Variants in GRM7 observed in about 807,000 individuals in gnomAD.
GRM7 encodes glutamate metabotropic receptor 7, also known as metabotropic glutamate receptor 7.
GRM7 carries 35 observed loss-of-function variants against 84.5 expected under a neutral mutation model. That is an observed-to-expected ratio of 0.41 (90% CI 0.32 to 0.55). The LOEUF (loss-of-function observed/expected upper bound fraction) is 0.55. GRM7 is among the 20% of genes least tolerant of loss of function. The pLI is 0.19. For missense variants in GRM7, 1,003 were observed against 1,194.6 expected (o/e 0.84, Z 2.36); for synonymous variants, 487 against 455.1 (o/e 1.07, Z -0.89).
intron 2 of GRM7, among the ~76,000 whole-genome samples, chr3:7,150,685 T>C (rs146211080): frequency 4.8e-4 from 73 of 152,348 alleles, no homozygotes; most frequent in African/African-American, 1.8e-3. Flanking sequence ...AAAGGCAATT[T>C]ATTTCTTAAT....
intron 1 of GRM7, among the ~76,000 whole-genome samples, chr3:6,964,393 G>T (rs1448524633): frequency 2.6e-5 from 4 of 152,002 alleles, no homozygotes; most frequent in African/African-American, 9.7e-5. Context: ...CCTTTTATGA[G>T]GGCACTAATC....
chr3:7,267,321 A>C (rs933900981), intron 2 of GRM7, among the ~76,000 whole-genome samples: 2 of 152,266 alleles, frequency 1.3e-5, no homozygotes, highest in Admixed American at 1.3e-4. Context: ...AATAACAAAA[A>C]GGCTAATAAG....
intron 2 of GRM7, among the ~76,000 whole-genome samples, chr3:7,251,256 T>G (rs904395197): frequency 3.9e-5 from 6 of 151,990 alleles, no homozygotes; most frequent in Non-Finnish European, 5.9e-5. Context: ...CAGAAAGAAT[T>G]TTAATGCTTT....
In GRM7 at chr3:7,478,121, T is replaced by C. The variant is rs186377447; in HGVS notation, c.1515+16399T>C. ...GGCTGTCCTTGTTTCTCTGTGGTGATTATGACTTCCTTATAGGGATTTTTC... is the reference window on the plus strand; with the variant it reads ...GGCTGTCCTTGTTTCTCTGTGGTGACTATGACTTCCTTATAGGGATTTTTC... On this transcript the variant is annotated intron_variant, in intron 7 of 9. Coordinates refer to ENST00000357716, the MANE Select transcript of GRM7 (RefSeq NM_000844.4). 4.6e-3 allele frequency among the ~76,000 whole-genome samples: 706 copies of C among 152,246 alleles called. 2 individuals are homozygous for C. Among genetic ancestry groups the C allele is most frequent in the African/African-American group, 0.016 (685 of 41,520 alleles).
intron 4 of GRM7, among the ~76,000 whole-genome samples, chr3:7,345,902 T>C (rs549880605): frequency 1.1e-4 from 16 of 152,178 alleles, no homozygotes; most frequent in Middle Eastern, 3.4e-3. Context: ...AAGTTAGGTA[T>C]GGTTGCAGCT....
At chr3:7,550,833 C>G (rs917673847) in intron 7 of GRM7, among the ~76,000 whole-genome samples, 1 of 152,010 alleles carries the variant, frequency 6.6e-6, no homozygotes, top group South Asian at 2.1e-4. Flanking sequence ...TCCCAGCTCC[C>G]TTGCTTACAT....
At chr3:7,572,730 G>A (rs1398217391) in intron 7 of GRM7, among the ~76,000 whole-genome samples, 1 of 149,428 alleles carries the variant, frequency 6.7e-6, no homozygotes, top group African/African-American at 2.5e-5. Context: ...GCTGAGGCAG[G>A]AGAATGGTGT....
rs200373444 is a variant in GRM7, at chr3:7,312,332, T to C, written c.1033+5680T>C. Among the ~76,000 whole-genome samples, 7 of 152,154 alleles carry C rather than the reference T, an allele frequency of 4.6e-5. No homozygotes were observed. In the East Asian group the frequency reaches 1.4e-3, roughly 30 times the overall value. ...ATGCTACTTGGCAGTGTCTTGGCAG[T>C]GCTACTGTGGCCAGAGGATCCCAGA... is the stretch of plus-strand genomic sequence containing the variant. On this transcript the variant is annotated intron_variant, in intron 4 of 9. Transcript: ENST00000357716.
intron 7 of GRM7, among the ~76,000 whole-genome samples, chr3:7,540,883 G>T (rs556568407): frequency 2.0e-5 from 3 of 152,222 alleles, no homozygotes; most frequent in Admixed American, 2.0e-4. Context: ...AAAAAGGAAA[G>T]AATGATAGGT....
intron 9 of GRM7, among the ~76,000 whole-genome samples, chr3:7,701,690 G>A (rs1701235793): frequency 6.6e-6 from 1 of 152,102 alleles, no homozygotes; most frequent in Admixed American, 6.5e-5. Flanking sequence ...GCTTCACTCA[G>A]AAAACTCCCT....
intron 9 of GRM7, among the ~76,000 whole-genome samples, chr3:7,730,042 T>G (rs1382773273): frequency 6.7e-6 from 1 of 149,704 alleles, no homozygotes; most frequent in Non-Finnish European, 1.5e-5. Flanking sequence ...ACCTGGCTAA[T>G]TTTTGTATTT....
chr3:6,908,455 T>C (rs1402771247), intron 1 of GRM7, among the ~76,000 whole-genome samples: 1 of 152,188 alleles, frequency 6.6e-6, no homozygotes, highest in Non-Finnish European at 1.5e-5. Context: ...GGCAGATGTG[T>C]TTTTCCCTCA....
chr3:7,727,283 G>C (rs909394663), intron 9 of GRM7, among the ~76,000 whole-genome samples: 3 of 152,050 alleles, frequency 2.0e-5, no homozygotes, highest in African/African-American at 7.2e-5. Context: ...ACATCATCAT[G>C]AACATCTTAA....
intron 1 of GRM7, among the ~76,000 whole-genome samples, chr3:7,085,558 A>C (rs1488171922): frequency 6.6e-6 from 1 of 152,160 alleles, no homozygotes; most frequent in Admixed American, 6.5e-5. Context: ...CTAAGAAGGA[A>C]GAGTTGGAAA....
At position 7,217,420 on chromosome 3, in the gene GRM7, C is replaced by T. The variant is rs1543145; in HGVS notation, c.736+70752C>T. On this transcript the variant is annotated intron_variant, in intron 2 of 9. Coordinates refer to ENST00000357716, the MANE Select transcript of GRM7 (RefSeq NM_000844.4). ...TCCATTCTGGTTCAGAGTCTCACTA[C>T]GGACTTTTAAAACAGAAATGGTTAT... Among the ~76,000 whole-genome samples, 19 of 152,012 alleles carry T rather than the reference C, an allele frequency of 1.2e-4. 1 individual carries two copies. Among genetic ancestry groups the T allele is most frequent in the Admixed American group, 5.2e-4 (8 of 15,278 alleles).
At chr3:7,401,975 A>G (rs1157675947) in intron 4 of GRM7, among the ~76,000 whole-genome samples, 1 of 152,178 alleles carries the variant, frequency 6.6e-6, no homozygotes, top group African/African-American at 2.4e-5. Context: ...CAAGGAATAT[A>G]TCAAGGCCTT....
intron 4 of GRM7, among the ~76,000 whole-genome samples, chr3:7,366,347 A>G (rs78216756): frequency 0.14 from 21,679 of 151,792 alleles, 1,978 homozygotes; most frequent in East Asian, 0.26. Context: ...TATTTAAAGA[A>G]TGTTGAATTT....
intron 5 of GRM7, among the ~76,000 whole-genome samples, chr3:7,422,996 C>T (rs975035571): frequency 3.3e-5 from 5 of 152,114 alleles, no homozygotes; most frequent in Non-Finnish European, 7.4e-5. Flanking sequence ...CAAATCTTGA[C>T]CAGATGCCCA....
intron 2 of GRM7, among the ~76,000 whole-genome samples, chr3:7,284,500 A>C (rs1432434247): frequency 6.6e-6 from 1 of 152,200 alleles, no homozygotes; most frequent in Non-Finnish European, 1.5e-5. Flanking sequence ...TTATAAATTT[A>C]TCTTGCCTCT....
Sources: allele counts gnomAD v4.1 joint callset (sites outside exome capture counted in the v4.1 genomes callset), GRCh38; gene constraint gnomAD v4.1.1; transcripts MANE v1.5; gene names NCBI Gene and HGNC (gene_info 2026-07-23, HGNC 2026-07-21).